SATB1: variants seen among roughly 807,000 people sequenced by gnomAD.
The protein encoded by SATB1 is DNA-binding protein SATB1.
SATB1 carries 11 observed loss-of-function variants against 86.9 expected under a neutral mutation model. The observed-to-expected ratio is 0.13, with a 90% CI of 0.08 to 0.21. SATB1 has a LOEUF of 0.21. Ranked by LOEUF, SATB1 falls within the 10% of genes least tolerant of loss-of-function variation. The pLI is 1.00. For synonymous variants in SATB1, 357 were observed against 357.2 expected (o/e 1.00, Z 0.01); for missense variants, 551 against 937.6 (o/e 0.59, Z 5.39).
At chr3:18,417,320 C>CT (rs1190721198) in intron 2 of SATB1, 1 of 570,212 alleles carries the variant, frequency 1.8e-6, no homozygotes, top group African/African-American at 1.9e-5. Context: ...AAGCTGTGCT[C>CT]TAAATTAACA....
chr3:18,420,560 A>AT, intron 2 of SATB1, 197 bp downstream of exon 2: 1 of 590,106 alleles, frequency 1.7e-6, no homozygotes, highest in Non-Finnish European at 3.0e-6. Context: ...CTACAGTAGA[A>AT]CGCTCCACCC....
At chr3:18,417,243 T>C (rs1233695535) in intron 2 of SATB1, 165 bp from the exon 3 acceptor site, 11 of 617,538 alleles carry the variant, frequency 1.8e-5, no homozygotes, top group Admixed American at 3.3e-5. Context: ...CACAAATATA[T>C]ACATTCTCAT....
Position 18,349,691 on chromosome 3 carries a change from A to C in SATB1, c.1780-9T>G, listed in dbSNP as rs780946110. The C allele has an allele frequency of 6.3e-6, 10 of 1,587,586 alleles. No homozygotes were observed. The African/African-American group carries it at 9.4e-5, about 15-fold the overall frequency. On this transcript the variant is annotated splice_polypyrimidine_tract_variant and intron_variant, in intron 10 of 10. Coordinates refer to ENST00000338745, the MANE Select transcript of SATB1 (RefSeq NM_002971.6). This position sits in a 1 kb window ranked among gnomAD's most constrained non-coding sequence, Gnocchi z 5.5. ...TGTTGCTGCTGCTGTTGCTGCAAAG[A>C]AACAAGGAGACAATCAGAGCTCTGC...
At chr3:18,417,298 T>C (rs1462296834) in intron 2 of SATB1, 1 of 585,506 alleles carries the variant, frequency 1.7e-6, no homozygotes, top group Non-Finnish European at 3.0e-6. Flanking sequence ...AATATGAACT[T>C]GGTCCTAAGG....
rs532517813 is a variant in SATB1, at chr3:18,409,397, T to C, written c.639+5714A>G. 3 of 152,154 alleles carry C rather than the reference T, an allele frequency of 2.0e-5. No individual in the cohort carries two copies. The South Asian group carries it at 6.2e-4, about 32-fold the overall frequency. 9.4% of individuals were successfully genotyped at this position (152,154 alleles called of 1,614,324 possible). ...TGGAGGACAATTCTGTTGTAGATTA[T>C]ACACATTATAATATTAACACAGAGC... On this transcript the variant is annotated intron_variant, in intron 5 of 10. Transcript: ENST00000338745.
At position 18,347,785 on chromosome 3, in the gene SATB1, T is replaced by C. The variant is rs564620551; in HGVS notation, c.*1385A>G. The stretch of plus-strand genomic sequence containing the variant: ...TTTCATACCTATTTAAAAATGAGCA[T>C]GTGTTTGTGATTTAAATTTACAGTG... On this transcript the variant is annotated 3_prime_UTR_variant, in exon 11 of 11. Coordinates refer to ENST00000338745, the MANE Select transcript of SATB1 (RefSeq NM_002971.6). The C allele has an allele frequency of 3.3e-5, 5 of 152,308 alleles. No homozygotes were observed. In the South Asian group the frequency reaches 1.0e-3, roughly 32 times the overall value. 9.4% of individuals were successfully genotyped at this position (152,308 alleles called of 1,614,324 possible). A position where few individuals can be genotyped will look rare whatever the true frequency, so the allele number is the denominator to read the frequency against.
chr3:18,362,907 A>G (rs1189208598), intron 9 of SATB1, among the ~76,000 whole-genome samples: 2 of 150,512 alleles, frequency 1.3e-5, no homozygotes, highest in Non-Finnish European at 3.0e-5. Flanking sequence ...AATATAAGAA[A>G]TCATAAAAAG....
intron 6 of SATB1, among the ~76,000 whole-genome samples, chr3:18,396,943 A>G (rs1696991958): frequency 6.6e-6 from 1 of 152,110 alleles, no homozygotes; most frequent in Non-Finnish European, 1.5e-5. Context: ...CTCCCCTCCC[A>G]ACGCCTCAAT....
At chr3:18,373,365 G>C (rs931364896) in intron 9 of SATB1, among the ~76,000 whole-genome samples, 3 of 152,110 alleles carry the variant, frequency 2.0e-5, no homozygotes, top group African/African-American at 7.2e-5. Context: ...CATTCCAAAA[G>C]AATGAATCAG....
At chr3:18,433,344 A>G (rs1698950948) in intron 2 of SATB1, among the ~76,000 whole-genome samples, 1 of 152,180 alleles carries the variant, frequency 6.6e-6, no homozygotes, top group Admixed American at 6.5e-5. Flanking sequence ...CAAATTGTCT[A>G]CATAAAAAGA....
At chr3:18,434,744 CT>C (rs1699003550) in intron 2 of SATB1, among the ~76,000 whole-genome samples, 1 of 151,180 alleles carries the variant, frequency 6.6e-6, no homozygotes. Flanking sequence ...CATAAAAAAT[CT>C]CTTTCTTCAA....
At chr3:18,396,234 A>C (rs1007139555) in intron 6 of SATB1, among the ~76,000 whole-genome samples, 3 of 152,194 alleles carry the variant, frequency 2.0e-5, no homozygotes, top group African/African-American at 7.2e-5. Flanking sequence ...GTTTTTCTTC[A>C]AATATTAAGA....
At chr3:18,396,896 C>T (rs1696989482) in intron 6 of SATB1, among the ~76,000 whole-genome samples, 1 of 152,110 alleles carries the variant, frequency 6.6e-6, no homozygotes, top group South Asian at 2.1e-4. Context: ...TATTCAAGGC[C>T]TGGTTAGGTC....
At chr3:18,359,050 G>C (rs1694786428) in intron 9 of SATB1, among the ~76,000 whole-genome samples, 1 of 151,968 alleles carries the variant, frequency 6.6e-6, no homozygotes. Flanking sequence ...AAAATTTTGT[G>C]AACTTGGAAG....
chr3:18,379,299 G>T (rs1213772816), intron 8 of SATB1, among the ~76,000 whole-genome samples: 1 of 152,064 alleles, frequency 6.6e-6, no homozygotes, highest in African/African-American at 2.4e-5. Flanking sequence ...AACTAGCCTG[G>T]AAAATTTACA....
At chr3:18,378,148 A>G in intron 9 of SATB1, 22 bp downstream of exon 9, 1 of 1,537,554 alleles carries the variant, frequency 6.5e-7, no homozygotes, top group South Asian at 1.3e-5. Context: ...AAACATTCTC[A>G]ATGCCTAACA....
At chr3:18,382,605 TGGG>T (rs1696122348) in intron 8 of SATB1, among the ~76,000 whole-genome samples, 1 of 152,204 alleles carries the variant, frequency 6.6e-6, no homozygotes, top group African/African-American at 2.4e-5. Flanking sequence ...CCAAGGAAGC[TGGG>T]AGGACTGGGT....
At chr3:18,428,845 G>A (rs114305827), upstream of SATB1, among the ~76,000 whole-genome samples, 1,389 of 152,266 alleles carry the variant, frequency 9.1e-3, 12 homozygotes, top group Non-Finnish European at 0.015. Context: ...ATATCCGAAC[G>A]CATTAAAACA....
Position 18,421,006 on chromosome 3 carries a change from AAAG to A in SATB1, c.-24-18_-24-16del, listed in dbSNP as rs1358541914. On this transcript the variant is annotated splice_polypyrimidine_tract_variant and intron_variant, in intron 1 of 10. Transcript: ENST00000338745. ...CTAAAGATCACCTGCCAGAATTTAA[AAAG>A]AAGACACGTTATAGTTGGGCGGGGA... is the stretch of plus-strand genomic sequence containing the variant. 1 of 1,597,002 alleles carries A rather than the reference AAAG, an allele frequency of 6.3e-7. No homozygotes were observed. The highest frequency in any genetic ancestry group is 8.6e-7 in the Non-Finnish European group (1 of 1,164,706).
Sources: allele counts gnomAD v4.1 joint callset (sites outside exome capture counted in the v4.1 genomes callset), GRCh38; gene constraint gnomAD v4.1.1; non-coding constraint Gnocchi (gnomAD v3.1); transcripts MANE v1.5; gene names NCBI Gene and HGNC (gene_info 2026-07-23, HGNC 2026-07-21).